REDIC1: variants seen among roughly 807,000 people sequenced by gnomAD.
The protein encoded by REDIC1 is regulator of DNA class I crossover intermediates 1.
At chr12:39,893,963 A>ATG in the REDIC1 span, among the ~76,000 whole-genome samples, 7 of 152,250 alleles carry the variant, frequency 4.6e-5, no homozygotes, top group Non-Finnish European at 8.8e-5. Context: ...GAAGTAACAC[A>ATG]GATGCTGAAA....
the REDIC1 span, among the ~76,000 whole-genome samples, chr12:39,738,982 T>A: frequency 1.3e-5 from 2 of 151,904 alleles, no homozygotes; most frequent in African/African-American, 4.8e-5. Context: ...AAAAATCAAG[T>A]GGATATATTT....
chr12:39,884,500 A>T, the REDIC1 span, among the ~76,000 whole-genome samples: 4 of 152,348 alleles, frequency 2.6e-5, no homozygotes, highest in East Asian at 3.9e-4. Flanking sequence ...AGACATTTTC[A>T]TAGAAAATAA....
the REDIC1 span, among the ~76,000 whole-genome samples, chr12:39,906,995 T>G: frequency 6.6e-6 from 1 of 152,154 alleles, no homozygotes; most frequent in South Asian, 2.1e-4. Flanking sequence ...TTAGATTTTT[T>G]CCAGTGTATA....
At chr12:39,633,300 A>G in the REDIC1 span, among the ~76,000 whole-genome samples, 72 of 152,210 alleles carry the variant, frequency 4.7e-4, no homozygotes, top group African/African-American at 1.5e-3. Context: ...AAATACACAT[A>G]TTAATCTAGG....
At chr12:39,724,190 C>G in the REDIC1 span, among the ~76,000 whole-genome samples, 1 of 152,126 alleles carries the variant, frequency 6.6e-6, no homozygotes, top group Non-Finnish European at 1.5e-5. Flanking sequence ...TCCCTTGCCT[C>G]TTGGGCGGGA....
the REDIC1 span, among the ~76,000 whole-genome samples, chr12:39,856,797 AC>A: frequency 6.6e-6 from 1 of 152,224 alleles, no homozygotes; most frequent in South Asian, 2.1e-4. Flanking sequence ...CTCCAACTTA[AC>A]ATACCAGAGT....
the REDIC1 span, among the ~76,000 whole-genome samples, chr12:39,676,182 A>G: frequency 2.6e-5 from 4 of 151,974 alleles, no homozygotes; most frequent in African/African-American, 9.7e-5. Flanking sequence ...GAGAACACCA[A>G]CTTAAGGAAA....
the REDIC1 span, among the ~76,000 whole-genome samples, chr12:39,894,351 A>G: frequency 6.6e-6 from 1 of 152,232 alleles, no homozygotes; most frequent in Non-Finnish European, 1.5e-5. Flanking sequence ...TGTGAATATG[A>G]TGATTAAAAG....
chr12:39,754,625 T>C, the REDIC1 span, among the ~76,000 whole-genome samples: 45 of 151,978 alleles, frequency 3.0e-4, no homozygotes, highest in East Asian at 6.6e-3. Context: ...AGCAACGGAG[T>C]CCCAAAAAGA....
the REDIC1 span, among the ~76,000 whole-genome samples, chr12:39,744,869 T>C: frequency 6.6e-6 from 1 of 152,064 alleles, no homozygotes; most frequent in South Asian, 2.1e-4. Flanking sequence ...AAGTTAATGG[T>C]CTAAACACAG....
At chr12:39,896,434 A>G in the REDIC1 span, among the ~76,000 whole-genome samples, 1 of 144,460 alleles carries the variant, frequency 6.9e-6, no homozygotes, top group African/African-American at 2.6e-5. Context: ...GTATATATGT[A>G]TACATATATG....
chr12:39,681,855 T>C, the REDIC1 span, among the ~76,000 whole-genome samples: 11 of 152,188 alleles, frequency 7.2e-5, no homozygotes, highest in African/African-American at 2.7e-4. Context: ...TGGTTTTTTT[T>C]CCTAATTTTT....
chr12:39,649,327 A>C, the REDIC1 span, among the ~76,000 whole-genome samples: 1 of 151,982 alleles, frequency 6.6e-6, no homozygotes, highest in East Asian at 1.9e-4. Context: ...AATACAAAAG[A>C]AAATGAGTTG....
chr12:39,871,517 G>A, the REDIC1 span, among the ~76,000 whole-genome samples: 3 of 150,804 alleles, frequency 2.0e-5, no homozygotes, highest in Non-Finnish European at 3.0e-5. Flanking sequence ...TTTCACTTTT[G>A]TACCTTTGAG....
At chr12:39,699,958 C>T in the REDIC1 span, among the ~76,000 whole-genome samples, 1 of 151,984 alleles carries the variant, frequency 6.6e-6, no homozygotes, top group Admixed American at 6.5e-5. Flanking sequence ...TCATCAAAGA[C>T]CAAAAGTAGA....
chr12:39,711,835 G>GCATGTGTATA, the REDIC1 span, among the ~76,000 whole-genome samples: 24 of 7,192 alleles, frequency 3.3e-3, no homozygotes, highest in Admixed American at 7.3e-3. Flanking sequence ...ATGTGTATAT[G>GCATGTGTATA]TGTGTATACA....
chr12:39,752,390 A>T, the REDIC1 span, among the ~76,000 whole-genome samples: 1 of 152,134 alleles, frequency 6.6e-6, no homozygotes, highest in East Asian at 1.9e-4. Flanking sequence ...GGGGCGGAAC[A>T]GTTTCATCCC....
the REDIC1 span, among the ~76,000 whole-genome samples, chr12:39,814,551 G>A: frequency 6.6e-6 from 1 of 152,012 alleles, no homozygotes; most frequent in Admixed American, 6.5e-5. Flanking sequence ...ACAAACTGAA[G>A]AATGCTTTGG....
the REDIC1 span, among the ~76,000 whole-genome samples, chr12:39,900,228 A>C: frequency 6.6e-6 from 1 of 152,156 alleles, no homozygotes; most frequent in African/African-American, 2.4e-5. Flanking sequence ...CCCCACAGCC[A>C]ATATCATACT....
Sources: gnomAD v4.1 joint callset for allele counts (sites outside exome capture counted in the v4.1 genomes callset) on GRCh38, gnomAD v4.1.1 for gene constraint, MANE v1.5 for transcripts, NCBI Gene and HGNC (gene_info 2026-07-23, HGNC 2026-07-21) for gene names.